EP400: variants seen among roughly 807,000 people sequenced by gnomAD.
EP400 encodes the protein E1A-binding protein p400.
A neutral mutation model predicts 354.1 loss-of-function variants in EP400; 105 were observed. That is an observed-to-expected ratio of 0.30 (90% CI 0.25 to 0.35). EP400 has a LOEUF of 0.35. EP400 is among the 10% of genes least tolerant of loss of function. EP400 has a pLI of 1.00. For missense variants in EP400, 3,280 were observed against 4,121.0 expected (o/e 0.80, Z 5.59); for synonymous variants, 1,646 against 1,716.9 (o/e 0.96, Z 1.02).
At position 132,062,674 on chromosome 12, in the gene EP400, G is replaced by T; in HGVS notation, c.8307G>T (p.Gln2769His). The change falls in exon 47 of 53, where the codon CAG becomes CAT. Residue 2769 changes from glutamine to histidine, a missense_variant. Around this residue, in one of 20 missense-constraint regions of EP400, gnomAD observed 47 missense variants for 55.6 expected, o/e 0.85. Transcript: ENST00000389561. ...AGGGCCAGGCCCAGTCCCCAGCACA[G>T]ATCAAAGCTGTGGGCAAGCTGACGC... ...QIQGQAQSPA[Q>H]IKAVGKLTPE... is the part of the protein sequence containing the mutation. The T allele has an allele frequency of 6.2e-7, 1 of 1,614,012 alleles. No homozygotes were observed. Among genetic ancestry groups the T allele is most frequent in the South Asian group, 1.1e-5 (1 of 91,078 alleles).
intron 30 of EP400, among the ~76,000 whole-genome samples, chr12:132,035,712 A>G (rs911257982): frequency 2.7e-5 from 4 of 150,116 alleles, no homozygotes; most frequent in Admixed American, 6.6e-5. Context: ...CCAGGTTCAC[A>G]TGGAACGCTG....
At chr12:131,962,453 T>C (rs1193039550) in intron 2 of EP400, among the ~76,000 whole-genome samples, 1 of 152,208 alleles carries the variant, frequency 6.6e-6, no homozygotes, top group Non-Finnish European at 1.5e-5. Flanking sequence ...TCACTAGCTT[T>C]TTATAATAAC....
intron 30 of EP400, among the ~76,000 whole-genome samples, chr12:132,037,455 C>A (rs1197083834): frequency 1.3e-5 from 2 of 152,100 alleles, no homozygotes; most frequent in African/African-American, 4.8e-5. Flanking sequence ...GGTGGCACAG[C>A]GAAGAGTCTT....
At position 132,027,654 on chromosome 12, in the gene EP400, T is replaced by C; in HGVS notation, c.5109+123T>C. On this transcript the variant is annotated intron_variant, in intron 26 of 52. Transcript: ENST00000389561. The surrounding 1 kb of genome is among the most constrained non-coding windows in gnomAD (Gnocchi z 4.9). Reference sequence around the variant, plus strand: ...TTCTCAAGTGATGTTACTGAATTCTTATTTTAAAACACACATTTTCTAATA... The same window carrying C: ...TTCTCAAGTGATGTTACTGAATTCTCATTTTAAAACACACATTTTCTAATA... 3.8e-6 allele frequency: 3 copies of C among 785,904 alleles called. No homozygotes were observed. The highest frequency in any genetic ancestry group is 6.0e-6 in the Non-Finnish European group (3 of 503,238). The allele number at this position is 785,904 out of a possible 1,614,324, so 48.7% of individuals were successfully genotyped here. A position where few individuals can be genotyped will look rare whatever the true frequency, so the allele number is the denominator to read the frequency against.
chr12:132,028,354 T>G, intron 27 of EP400, 66 bp downstream of exon 27: 1 of 1,573,450 alleles, frequency 6.4e-7, no homozygotes, highest in East Asian at 2.3e-5. Context: ...AGACCCCTTC[T>G]TGTCTCGTGG....
chr12:132,030,546 GCACAGTGAGTCAGA>G (rs1894454083), intron 29 of EP400, among the ~76,000 whole-genome samples: 1 of 152,168 alleles, frequency 6.6e-6, no homozygotes, highest in Non-Finnish European at 1.5e-5. Flanking sequence ...GTTTCATCAG[GCACAGTGAGTCAGA>G]CACTCTCATA....
Position 132,030,995 on chromosome 12 carries a change from T to C in EP400, c.5754+837T>C, listed in dbSNP as rs117215655. Among the ~76,000 whole-genome samples the C allele has an allele frequency of 7.1e-3, 1,083 of 152,348 alleles. 35 individuals carry two copies. In the South Asian group the frequency reaches 0.094, roughly 13 times the overall value. ...GCTTTATCTCACACACACGCTCATG[T>C]ACACGCTGGAGAGGCCTAGAAAGAA... On this transcript the variant is annotated intron_variant, in intron 29 of 52. Transcript: ENST00000389561.
At chr12:132,010,908 C>T (rs1434191323) in intron 15 of EP400, among the ~76,000 whole-genome samples, 3 of 152,172 alleles carry the variant, frequency 2.0e-5, no homozygotes, top group Non-Finnish European at 1.5e-5. Flanking sequence ...TGCCGTTGGA[C>T]TCCAGCCTGG....
In EP400 at chr12:132,005,049, C is replaced by T. The variant is rs1391574487; in HGVS notation, c.2828-28C>T. On this transcript the variant is annotated intron_variant, in intron 12 of 52. Coordinates refer to ENST00000389561, the MANE Select transcript of EP400 (RefSeq NM_015409.5). Reference sequence around the variant, plus strand: ...AATTACAGTTGTTGTTATAAAGTAACAGCCCTTCTGCCCGCAACCCTCTGC... The same window carrying T: ...AATTACAGTTGTTGTTATAAAGTAATAGCCCTTCTGCCCGCAACCCTCTGC... 3.3e-6 allele frequency: 5 copies of T among 1,514,334 alleles called. No homozygotes were observed. The East Asian group carries it at 1.2e-4, about 37-fold the overall frequency. The allele number at this position is 1,514,334 out of a possible 1,614,324, so 93.8% of individuals were successfully genotyped here.
At chr12:132,003,778 T>C (rs976228037) in intron 12 of EP400, among the ~76,000 whole-genome samples, 6 of 152,220 alleles carry the variant, frequency 3.9e-5, no homozygotes, top group Non-Finnish European at 5.9e-5. Flanking sequence ...AACACTTACT[T>C]TCACTGGGCT....
Position 132,005,188 on chromosome 12 carries a change from C to T in EP400, c.2935+4C>T, listed in dbSNP as rs760454441. On this transcript the variant is annotated splice_donor_region_variant and intron_variant, in intron 13 of 52. Transcript: ENST00000389561. Reference sequence around the variant, plus strand: ...GAGGACACAAGCGGAGAGGAAGGTGCGCTCCCAGCCTTTGGAAGAATTCAG... The same window carrying T: ...GAGGACACAAGCGGAGAGGAAGGTGTGCTCCCAGCCTTTGGAAGAATTCAG... 57 of 1,557,038 alleles carry T rather than the reference C, an allele frequency of 3.7e-5. No individual in the cohort carries two copies. Among genetic ancestry groups the T allele is most frequent in the Middle Eastern group, 3.3e-4 (2 of 5,976 alleles).
intron 51 of EP400, 30 bp from the exon 52 acceptor site, chr12:132,076,486 G>T (rs1237522174): frequency 8.1e-6 from 13 of 1,611,118 alleles, no homozygotes; most frequent in Non-Finnish European, 1.1e-5. Context: ...CCTTTGAATT[G>T]TATGTTTGGC....
At chr12:131,991,378 G>T (rs1402453736) in intron 9 of EP400, 29 bp from the exon 10 acceptor site, 1 of 1,613,354 alleles carries the variant, frequency 6.2e-7, no homozygotes, top group Admixed American at 1.7e-5. Flanking sequence ...GGGGGCCTTG[G>T]GAACGAACTG....
chr12:131,987,590 T>C, intron 6 of EP400, 115 bp from the exon 7 acceptor site: 1 of 845,240 alleles, frequency 1.2e-6, no homozygotes, highest in Non-Finnish European at 1.7e-6. Context: ...CTTTCTCTCT[T>C]TCTTAGTGCC....
intron 27 of EP400, among the ~76,000 whole-genome samples, chr12:132,028,615 A>G (rs1021884885): frequency 9.2e-5 from 14 of 152,218 alleles, no homozygotes; most frequent in African/African-American, 3.4e-4. Flanking sequence ...AAATGATTGC[A>G]TTAAAAGAGC....
Position 132,013,344 on chromosome 12 carries a change from G to T in EP400, c.3612-146G>T, listed in dbSNP as rs1186514178. The T allele has an allele frequency of 2.6e-5, 36 of 1,387,136 alleles. No individual in the cohort carries two copies. Among genetic ancestry groups the T allele is most frequent in the East Asian group, 4.7e-5 (2 of 42,680 alleles). 85.9% of individuals were successfully genotyped at this position (1,387,136 alleles called of 1,614,324 possible). On this transcript the variant is annotated intron_variant, in intron 17 of 52. Coordinates refer to ENST00000389561, the MANE Select transcript of EP400 (RefSeq NM_015409.5). The surrounding 1 kb of genome is among the most constrained non-coding windows in gnomAD (Gnocchi z 4.5). ...GCCAGAGAGCCCCAGAGCTGGGTCAGTGCAGCCCCCCTTTTCAGGCATGTG... is the reference window on the plus strand; with the variant it reads ...GCCAGAGAGCCCCAGAGCTGGGTCATTGCAGCCCCCCTTTTCAGGCATGTG...
chr12:131,974,915 G>A (rs1284306613), intron 2 of EP400, among the ~76,000 whole-genome samples: 1 of 150,146 alleles, frequency 6.7e-6, no homozygotes, highest in Admixed American at 6.7e-5. Flanking sequence ...GCTTGAACCC[G>A]GGAGGCAGAG....
intron 2 of EP400, among the ~76,000 whole-genome samples, chr12:131,971,517 C>CAT (rs1892287311): frequency 6.6e-6 from 1 of 152,156 alleles, no homozygotes; most frequent in African/African-American, 2.4e-5. Context: ...GTTGCTGGAT[C>CAT]ATATGTTCAT....
chr12:132,039,685 A>G (rs1027225806), intron 32 of EP400, among the ~76,000 whole-genome samples: 1 of 152,226 alleles, frequency 6.6e-6, no homozygotes, highest in Non-Finnish European at 1.5e-5. Context: ...GTATGGATCA[A>G]CCTCATTGTG....
Sources: allele counts gnomAD v4.1 joint callset (sites outside exome capture counted in the v4.1 genomes callset), GRCh38; gene constraint gnomAD v4.1.1; regional missense constraint gnomAD v4.1.1; non-coding constraint Gnocchi (gnomAD v3.1); transcripts MANE v1.5; gene names NCBI Gene and HGNC (gene_info 2026-07-23, HGNC 2026-07-21).